ZNF469: variants seen among roughly 807,000 people sequenced by gnomAD.
The protein encoded by ZNF469 is zinc finger protein 469.
In ZNF469, 1 loss-of-function variant was observed where a neutral mutation model predicts 1.0. That is an observed-to-expected ratio of 1.00 (90% confidence interval 0.35 to 4.73). The LOEUF (loss-of-function observed/expected upper bound fraction) is 4.73, where lower values mean the gene tolerates loss of function less well. ZNF469 is among the 30% of genes most tolerant of loss of function. ZNF469 has a pLI of 0.16. For missense variants in ZNF469, 6,100 were observed against 5,356.3 expected, an observed-to-expected ratio of 1.14 and a Z score of -4.33; for synonymous variants, 2,703 against 2,363.4, an observed-to-expected ratio of 1.14 and a Z score of -4.17.
the ZNF469 span, among the ~76,000 whole-genome samples, chr16:88,213,388 C>T: frequency 3.9e-5 from 6 of 152,148 alleles, no homozygotes; most frequent in Non-Finnish European, 8.8e-5. Flanking sequence ...CATGAGCCAC[C>T]GCGCCCGGCC....
the ZNF469 span, among the ~76,000 whole-genome samples, chr16:88,347,299 C>T: frequency 1.3e-5 from 2 of 152,156 alleles, no homozygotes; most frequent in Admixed American, 1.3e-4. Context: ...CGTGCACGGG[C>T]CCTTCTTTGG....
At chr16:88,401,706 TATG>T (rs1904872458) in intron 1 of ZNF469, among the ~76,000 whole-genome samples, 1 of 51,034 alleles carries the variant, frequency 2.0e-5, no homozygotes, top group African/African-American at 7.8e-5. Flanking sequence ...TGGATGGATA[TATG>T]GGTAGATGGA....
the ZNF469 span, among the ~76,000 whole-genome samples, chr16:88,309,153 G>A: frequency 2.6e-4 from 39 of 152,342 alleles, no homozygotes; most frequent in Non-Finnish European, 4.0e-4. Flanking sequence ...TGCCCTGTGC[G>A]TGTTGCCCAG....
At chr16:88,155,590 C>A in the ZNF469 span, among the ~76,000 whole-genome samples, 1 of 152,232 alleles carries the variant, frequency 6.6e-6, no homozygotes, top group Non-Finnish European at 1.5e-5. Flanking sequence ...TGGCCTCTTT[C>A]ACTCCAAATG....
chr16:88,186,701 T>C, the ZNF469 span, among the ~76,000 whole-genome samples: 11 of 152,036 alleles, frequency 7.2e-5, no homozygotes. Flanking sequence ...TTCTGAGACG[T>C]GCGGCCCGGG....
At chr16:88,403,888 A>G (rs3934560) in intron 1 of ZNF469, among the ~76,000 whole-genome samples, 101,205 of 151,754 alleles carry the variant, frequency 0.67, 34,053 homozygotes, top group East Asian at 0.83. Flanking sequence ...AAGCAAATTC[A>G]GGGGTTCCTG....
the ZNF469 span, among the ~76,000 whole-genome samples, chr16:88,300,075 G>A: frequency 4.6e-5 from 7 of 152,190 alleles, no homozygotes; most frequent in East Asian, 3.8e-4. Flanking sequence ...GGCCCTGCTC[G>A]GCCTGACTGG....
chr16:88,254,240 G>T, the ZNF469 span, among the ~76,000 whole-genome samples: 1 of 152,178 alleles, frequency 6.6e-6, no homozygotes, highest in African/African-American at 2.4e-5. Context: ...ATCGCCAATT[G>T]TCCCTGCACC....
At chr16:88,407,059 T>G (rs1905044665) in intron 1 of ZNF469, among the ~76,000 whole-genome samples, 1 of 151,870 alleles carries the variant, frequency 6.6e-6, no homozygotes, top group Admixed American at 6.5e-5. Context: ...CTGAGAAGCC[T>G]GCCCTGATTG....
the ZNF469 span, among the ~76,000 whole-genome samples, chr16:88,161,559 G>A: frequency 2.0e-5 from 3 of 152,184 alleles, no homozygotes; most frequent in Non-Finnish European, 4.4e-5. Flanking sequence ...TAGAGAAAAC[G>A]TCCTTGCCTC....
At chr16:88,289,505 T>C in the ZNF469 span, among the ~76,000 whole-genome samples, 47 of 152,146 alleles carry the variant, frequency 3.1e-4, no homozygotes, top group East Asian at 8.3e-3. Flanking sequence ...ATTGAGTGTT[T>C]GTTCTCTGTT....
At chr16:88,266,389 G>T in the ZNF469 span, among the ~76,000 whole-genome samples, 1 of 152,264 alleles carries the variant, frequency 6.6e-6, no homozygotes, top group African/African-American at 2.4e-5. Flanking sequence ...CCAGGCTCCA[G>T]GAGACAGTAC....
intron 2 of ZNF469, among the ~76,000 whole-genome samples, chr16:88,425,182 G>A (rs746574733): frequency 6.6e-6 from 1 of 152,118 alleles, no homozygotes; most frequent in Admixed American, 6.5e-5. Flanking sequence ...GCACAGCTGT[G>A]TTCTCAACAC....
the ZNF469 span, among the ~76,000 whole-genome samples, chr16:88,361,806 A>C: frequency 6.6e-6 from 1 of 152,110 alleles, no homozygotes. Context: ...ATATTCATCT[A>C]AATTTCTTTC....
the ZNF469 span, among the ~76,000 whole-genome samples, chr16:88,101,357 C>T: frequency 1.4e-4 from 21 of 152,226 alleles, no homozygotes; most frequent in African/African-American, 4.6e-4. Flanking sequence ...AGTCCGCCTG[C>T]ATCTTTGATC....
At chr16:88,356,141 C>T in the ZNF469 span, among the ~76,000 whole-genome samples, 1 of 152,202 alleles carries the variant, frequency 6.6e-6, no homozygotes, top group Non-Finnish European at 1.5e-5. Flanking sequence ...CCCAAAATCA[C>T]ACCCGTACCC....
At chr16:88,333,589 C>T in the ZNF469 span, among the ~76,000 whole-genome samples, 4 of 152,004 alleles carry the variant, frequency 2.6e-5, no homozygotes, top group Non-Finnish European at 4.4e-5. Context: ...GGTGACTGAG[C>T]GACAGTTACA....
At chr16:88,293,981 A>G in the ZNF469 span, among the ~76,000 whole-genome samples, 21 of 152,324 alleles carry the variant, frequency 1.4e-4, no homozygotes, top group Non-Finnish European at 2.9e-4. Context: ...CTGAACCAAG[A>G]TAAGCATCTG....
chr16:88,255,936 G>A, the ZNF469 span, among the ~76,000 whole-genome samples: 1 of 152,204 alleles, frequency 6.6e-6, no homozygotes, highest in Non-Finnish European at 1.5e-5. Flanking sequence ...GTTTCTGGTT[G>A]GAGATGTCAT....
Sources: gnomAD v4.1 joint callset for allele counts (sites outside exome capture counted in the v4.1 genomes callset) on GRCh38, gnomAD v4.1.1 for gene constraint, MANE v1.5 for transcripts, NCBI Gene and HGNC (gene_info 2026-07-23, HGNC 2026-07-21) for gene names.